The following DISC1 variants were observed in gnomAD, a reference collection of about 807,000 sequenced individuals.
The protein encoded by DISC1 is DISC1 scaffold protein.
DISC1 carries 57 observed loss-of-function variants against 84.5 expected under a neutral mutation model. That is an observed-to-expected ratio of 0.67 (90% CI 0.55 to 0.84). The LOEUF (loss-of-function observed/expected upper bound fraction) is 0.84. DISC1 is among the 40% of genes least tolerant of loss of function. The pLI is 0.00. For missense variants in DISC1, 1,000 were observed against 1,057.8 expected, an observed-to-expected ratio of 0.95 and a Z score of 0.76; for synonymous variants, 411 against 415.2, an observed-to-expected ratio of 0.99 and a Z score of 0.12.
chr1:231,774,694 A>G (rs1478936295), intron 6 of DISC1: 1 of 455,954 alleles, frequency 2.2e-6, no homozygotes, highest in African/African-American at 2.0e-5. Context: ...GAAACCCGTC[A>G]TCAATATTTG....
chr1:231,966,957 G>A lies in DISC1; in HGVS notation c.2042+8069G>A, dbSNP rs138850459. 1.2e-3 allele frequency among the ~76,000 whole-genome samples: 186 copies of A among 152,292 alleles called. 1 individual carries two copies. The highest frequency in any genetic ancestry group is 4.3e-3 in the African/African-American group (177 of 41,570). On this transcript the variant is annotated intron_variant, in intron 10 of 12. Transcript: ENST00000439617. ...GAAGAAAGTAGTTGGATACCTCCTTGGAGGCCCTTCTTAGCTTTAGAAGGA... is the reference window on the plus strand; with the variant it reads ...GAAGAAAGTAGTTGGATACCTCCTTAGAGGCCCTTCTTAGCTTTAGAAGGA...
At chr1:231,917,063 A>C (rs2089687093) in intron 9 of DISC1, among the ~76,000 whole-genome samples, 1 of 152,214 alleles carries the variant, frequency 6.6e-6, no homozygotes, top group African/African-American at 2.4e-5. Context: ...ATAGAAATGG[A>C]AATGGAAAAT....
At position 231,767,274 on chromosome 1, in the gene DISC1, G is replaced by T; in HGVS notation, c.1398+5G>T. ...CAGGAAAAGCAGCAGCTACAGGTGA[G>T]CAGGTGAAAGATCTTCAAGAAATAT... On this transcript the variant is annotated splice_donor_5th_base_variant and intron_variant, in intron 5 of 12. Transcript: ENST00000439617. 1 of 1,614,172 alleles carries T rather than the reference G, an allele frequency of 6.2e-7. No homozygotes were observed. Among genetic ancestry groups the T allele is most frequent in the Non-Finnish European group, 8.5e-7 (1 of 1,180,028 alleles).
At chr1:231,858,382 A>G (rs762147489) in intron 9 of DISC1, among the ~76,000 whole-genome samples, 3 of 152,242 alleles carry the variant, frequency 2.0e-5, no homozygotes, top group Non-Finnish European at 4.4e-5. Context: ...GGGGCTGATT[A>G]TCAGTCTTCC....
At chr1:231,998,392 C>T (rs567058171) in intron 10 of DISC1, among the ~76,000 whole-genome samples, 12 of 152,096 alleles carry the variant, frequency 7.9e-5, no homozygotes, top group Middle Eastern at 3.4e-3. Context: ...ATAAAACTTC[C>T]GACCAATGGG....
intron 9 of DISC1, among the ~76,000 whole-genome samples, chr1:231,842,431 G>A (rs1449374771): frequency 6.6e-6 from 1 of 152,202 alleles, no homozygotes; most frequent in Non-Finnish European, 1.5e-5. Context: ...AGAACTGAGT[G>A]AGACTTGTGG....
intron 9 of DISC1, among the ~76,000 whole-genome samples, chr1:231,869,674 C>T (rs1168745766): frequency 6.6e-6 from 1 of 151,890 alleles, no homozygotes; most frequent in East Asian, 2.0e-4. Flanking sequence ...CATTCACCCC[C>T]GAGGGAGAGT....
chr1:231,646,569 G>T (rs151200592), intron 1 of DISC1, among the ~76,000 whole-genome samples: 2 of 151,978 alleles, frequency 1.3e-5, no homozygotes, highest in East Asian at 3.9e-4. Context: ...AATTTAGATC[G>T]CTGGGTCAAA....
chr1:231,811,040 CA>C lies in DISC1; in HGVS notation c.1793-7288del, dbSNP rs1169383358. On this transcript the variant is annotated intron_variant, in intron 8 of 12. Coordinates refer to ENST00000439617, the MANE Select transcript of DISC1 (RefSeq NM_018662.3). ...TCCGATTGTATATTTAGTCAGTCAC[CA>C]GGCACCACATTTTCTCAAGCTGTTG... Among the ~76,000 whole-genome samples, 13 of 152,260 alleles carry C rather than the reference CA, an allele frequency of 8.5e-5. No homozygotes were observed. In the East Asian group the frequency reaches 1.9e-3, roughly 23 times the overall value.
At chr1:232,030,863 G>A (rs1023541227) in intron 12 of DISC1, among the ~76,000 whole-genome samples, 3 of 151,984 alleles carry the variant, frequency 2.0e-5, no homozygotes, top group Middle Eastern at 3.2e-3. Context: ...TCTTAATCCC[G>A]GCACTTTGGG....
intron 9 of DISC1, chr1:231,943,863 A>G (rs535572870): frequency 1.3e-5 from 2 of 151,914 alleles, no homozygotes; most frequent in Admixed American, 6.6e-5. Flanking sequence ...AGCTGGGACT[A>G]TGGACATGTG....
chr1:231,852,137 G>A (rs2083940173), intron 9 of DISC1, among the ~76,000 whole-genome samples: 1 of 152,166 alleles, frequency 6.6e-6, no homozygotes, highest in Non-Finnish European at 1.5e-5. Context: ...CACAGCCAGC[G>A]AGGGGTAGCA....
chr1:231,951,722 C>T (rs572012476), intron 9 of DISC1, among the ~76,000 whole-genome samples: 1 of 152,268 alleles, frequency 6.6e-6, no homozygotes, highest in South Asian at 2.1e-4. Flanking sequence ...TGATATTCAC[C>T]TCTGTGGCCC....
Position 231,868,851 on chromosome 1 carries a change from CT to C in DISC1, c.1981+50335del, listed in dbSNP as rs1371703096. Among the ~76,000 whole-genome samples the C allele has an allele frequency of 1.4e-4, 21 of 148,978 alleles. 2 individuals carry two copies. The highest frequency in any genetic ancestry group is 4.9e-4 in the African/African-American group (20 of 40,462). On this transcript the variant is annotated intron_variant, in intron 9 of 12. Transcript: ENST00000439617. Reference sequence around the variant, plus strand: ...AGTGTGCTGTCATTGTGCCACTGCACTCCAGCTTGTGTGACAGAGTAAGACC... The same window carrying C: ...AGTGTGCTGTCATTGTGCCACTGCACCCAGCTTGTGTGACAGAGTAAGACC...
intron 3 of DISC1, among the ~76,000 whole-genome samples, chr1:231,709,734 A>G (rs535174052): frequency 1.3e-4 from 20 of 152,248 alleles, no homozygotes; most frequent in African/African-American, 4.3e-4. Flanking sequence ...TGAAACTTGT[A>G]CATGATTTCC....
At chr1:231,787,656 T>C (rs930051622) in intron 6 of DISC1, among the ~76,000 whole-genome samples, 2 of 152,230 alleles carry the variant, frequency 1.3e-5, no homozygotes, top group Admixed American at 6.5e-5. Context: ...ATTGACATTA[T>C]AGCAATAGCT....
rs1361926911 is a variant in DISC1, at chr1:232,036,996, C to T, written c.*165C>T. 4.7e-6 allele frequency: 3 copies of T among 634,570 alleles called. No homozygotes were observed. Among genetic ancestry groups the T allele is most frequent in the Non-Finnish European group, 7.1e-6 (3 of 424,716 alleles). The allele number at this position is 634,570 out of a possible 1,614,324, so 39.3% of individuals were successfully genotyped here. ...CATGTTCATTCTCATCAGTGTGAAA[C>T]TGAGGAGTCTGCAATTTGGAATATG... On this transcript the variant is annotated 3_prime_UTR_variant, in exon 13 of 13. Transcript: ENST00000439617.
intron 3 of DISC1, among the ~76,000 whole-genome samples, chr1:231,740,706 T>C (rs752480975): frequency 1.3e-5 from 2 of 152,224 alleles, no homozygotes; most frequent in Non-Finnish European, 2.9e-5. Context: ...ATGAGATATC[T>C]TCAGGATAGG....
chr1:231,716,602 A>G (rs2068764867), intron 3 of DISC1, among the ~76,000 whole-genome samples: 1 of 152,168 alleles, frequency 6.6e-6, no homozygotes, highest in Non-Finnish European at 1.5e-5. Context: ...AAAAAATGGA[A>G]AGGGAAGGAG....
Sources: gnomAD v4.1 joint callset for allele counts (sites outside exome capture counted in the v4.1 genomes callset) on GRCh38, gnomAD v4.1.1 for gene constraint, MANE v1.5 for transcripts, NCBI Gene and HGNC (gene_info 2026-07-23, HGNC 2026-07-21) for gene names.